ZNF648: variants seen among roughly 807,000 people sequenced by gnomAD.
ZNF648 encodes the protein zinc finger protein 648.
Under a neutral mutation model 0.3 loss-of-function variants are expected in ZNF648, and 1 was observed. The observed-to-expected ratio is 3.90, with a 90% CI of 1.39 to 18.51. ZNF648 has a LOEUF of 18.51. Ranked by LOEUF, ZNF648 falls within the 30% of genes most tolerant of loss-of-function variation. The pLI, the probability that ZNF648 is intolerant of heterozygous loss-of-function variation, is 0.11. For synonymous variants in ZNF648, 376 were observed against 326.8 expected (o/e 1.15, Z -1.62); for missense variants, 874 against 769.7 (o/e 1.14, Z -1.60).
At chr1:182,058,635 AG>A (rs1315758682) in intron 1 of ZNF648, among the ~76,000 whole-genome samples, 4 of 151,934 alleles carry the variant, frequency 2.6e-5, no homozygotes, top group Admixed American at 2.0e-4. Flanking sequence ...TGAGTCAGGA[AG>A]GCACCAGTTG....
chr1:182,063,901 A>G (rs1666065155), upstream of ZNF648: 1 of 152,204 alleles, frequency 6.6e-6, no homozygotes, highest in African/African-American at 2.4e-5. Context: ...GGAAGGGGCC[A>G]GTTTCAATTT....
upstream of ZNF648, chr1:182,064,494 A>G (rs1666071547): frequency 6.6e-6 from 1 of 152,196 alleles, no homozygotes. Flanking sequence ...ATGGTTTCAG[A>G]GGAAAGAGGC....
rs1328587019 is a variant in ZNF648 at position 182,057,053 on chromosome 1, A to T, written c.958T>A (p.Ser320Thr). ...SFCDKAYTWS[S>T]DHRKHIRTHT... ...GTGCGGATGTGCTTCCGGTGGTCGG[A>T]GGACCAGGTGTAGGCCTTGTCGCAG... Residue 320 changes from serine (S) to threonine (T), a missense_variant, in exon 2 of 2, where the codon TCC (serine) becomes ACC (threonine). Physicochemically the swap from Ser to Thr is moderately conservative, Grantham distance 58. Coordinates refer to ENST00000339948, the MANE Select transcript of ZNF648 (RefSeq NM_001009992.1). 6.2e-7 allele frequency: 1 copy of T among 1,612,882 alleles called. No individual in the cohort carries two copies. Among genetic ancestry groups the T allele is most frequent in the African/African-American group, 1.3e-5 (1 of 74,692 alleles).
Position 182,056,599 on chromosome 1 carries a change from G to T in ZNF648, c.1412C>A (p.Thr471Asn). Residue 471 changes from threonine to asparagine, a missense_variant, in exon 2 of 2, where the codon ACT becomes AAT. Transcript: ENST00000339948. The part of the protein sequence containing the change: ...SRLVRHQRIH[T>N]GERPFPCTQC... ...CGTGCAAGGAAAGGGCCTCTCGCCAGTGTGGATGCGCTGGTGGCGCACGAG... is the reference window on the plus strand; with the variant it reads ...CGTGCAAGGAAAGGGCCTCTCGCCATTGTGGATGCGCTGGTGGCGCACGAG... 6.2e-7 allele frequency: 1 copy of T among 1,613,688 alleles called. No homozygotes were observed.
rs767297788 is a variant in ZNF648, at chr1:182,057,516, G to A, written c.495C>T (p.Pro165=). ...ANQDAVLDVP[P]SFPSNGKYLC... is the part of the protein sequence containing the mutation. Reference sequence around the variant, plus strand: ...GATACTTTCCATTGCTGGGGAAGCTGGGTGGGACATCCAAGACTGCGTCCT... The same window carrying A: ...GATACTTTCCATTGCTGGGGAAGCTAGGTGGGACATCCAAGACTGCGTCCT... The change falls in exon 2 of 2, where the codon CCC becomes CCT. Residue 165 remains proline (P), a synonymous_variant. Coordinates refer to ENST00000339948, the MANE Select transcript of ZNF648 (RefSeq NM_001009992.1). The A allele has an allele frequency of 5.6e-6, 9 of 1,614,096 alleles. No individual in the cohort carries two copies. The South Asian group carries it at 9.9e-5, about 18-fold the overall frequency.
upstream of ZNF648, chr1:182,065,048 A>C (rs1288124769): frequency 1.3e-5 from 2 of 152,208 alleles, no homozygotes; most frequent in East Asian, 3.8e-4. Context: ...ATTAATCTTC[A>C]TCACATCCTA....
chr1:182,068,261 T>C, the ZNF648 span: 3 of 152,214 alleles, frequency 2.0e-5, no homozygotes, highest in African/African-American at 4.8e-5. Context: ...CCCCTCTGTT[T>C]TACTGGTGTT....
At position 182,057,759 on chromosome 1, in the gene ZNF648, G is replaced by A. The variant is rs1236249805; in HGVS notation, c.252C>T (p.Ser84=). Residue 84 remains serine, a synonymous_variant, in exon 2 of 2, where the codon TCC becomes TCT. Transcript: ENST00000339948. ...TCTGCCCCATGCCCCCAGCACTGGA[G>A]GAGTCAGAGAATTTCTCTTCCTCTT... The part of the protein sequence containing the change: ...LGKEEEKFSD[S]SSAGGMGQKP... The A allele has an allele frequency of 6.2e-7, 1 of 1,614,130 alleles. No homozygotes were observed. Among genetic ancestry groups the A allele is most frequent in the African/African-American group, 1.3e-5 (1 of 74,944 alleles).
In ZNF648 at chr1:182,057,709, G is replaced by C. The variant is rs1269742559; in HGVS notation, c.302C>G (p.Ala101Gly). Residue 101 changes from alanine (A) to glycine (G), a missense_variant, in exon 2 of 2, where the codon GCC (alanine) becomes GGC (glycine). Coordinates refer to ENST00000339948, the MANE Select transcript of ZNF648 (RefSeq NM_001009992.1). ...GQKPVEMSGK[A>G]SWSRDVTKIN... ...CTTTGTCACATCTCTGCTCCAACTG[G>C]CTTTCCCAGACATTTCCACTGGTTT... 6.2e-7 allele frequency: 1 copy of C among 1,614,096 alleles called. No homozygotes were observed. Among genetic ancestry groups the C allele is most frequent in the Non-Finnish European group, 8.5e-7 (1 of 1,180,062 alleles).
Position 182,056,853 on chromosome 1 carries a change from G to C in ZNF648, c.1158C>G (p.His386Gln). Reference protein sequence around the residue: ...PLSLLRHQRTHLGAKPFRCPA... With the variant: ...PLSLLRHQRTQLGAKPFRCPA... Reference sequence around the variant, plus strand: ...GGCAGCGGAAGGGCTTGGCGCCCAGGTGCGTGCGCTGGTGGCGCAGCAGCG... The same window carrying C: ...GGCAGCGGAAGGGCTTGGCGCCCAGCTGCGTGCGCTGGTGGCGCAGCAGCG... The change falls in exon 2 of 2, where the codon CAC becomes CAG. Residue 386 changes from histidine to glutamine, a missense_variant. Transcript: ENST00000339948. The C allele has an allele frequency of 6.4e-7, 1 of 1,561,962 alleles. No homozygotes were observed. The highest frequency in any genetic ancestry group is 8.7e-7 in the Non-Finnish European group (1 of 1,153,240).
upstream of ZNF648, among the ~76,000 whole-genome samples, chr1:182,066,366 C>A (rs1387421839): frequency 2.0e-5 from 3 of 152,178 alleles, no homozygotes; most frequent in African/African-American, 7.2e-5. Flanking sequence ...TGCTCTGCTG[C>A]CAGCTGTCAT....
the ZNF648 span, chr1:182,069,348 G>A: frequency 6.6e-6 from 1 of 152,260 alleles, no homozygotes; most frequent in African/African-American, 2.4e-5. Context: ...CACAGGAGAT[G>A]TGGAAGGGCA....
rs1475091082 is a variant in ZNF648, at chr1:182,057,764, C to G, written c.247G>C (p.Asp83His). Residue 83 changes from aspartate (D) to histidine (H), a missense_variant, in exon 2 of 2, where the codon GAC (aspartate) becomes CAC (histidine). Coordinates refer to ENST00000339948, the MANE Select transcript of ZNF648 (RefSeq NM_001009992.1). ...PLGKEEEKFS[D>H]SSSAGGMGQK... Reference sequence around the variant, plus strand: ...CCCATGCCCCCAGCACTGGAGGAGTCAGAGAATTTCTCTTCCTCTTTGCCC... The same window carrying G: ...CCCATGCCCCCAGCACTGGAGGAGTGAGAGAATTTCTCTTCCTCTTTGCCC... 6.2e-7 allele frequency: 1 copy of G among 1,614,220 alleles called. No homozygotes were observed. Among genetic ancestry groups the G allele is most frequent in the Non-Finnish European group, 8.5e-7 (1 of 1,180,042 alleles).
Position 182,058,086 on chromosome 1 carries a change from A to T in ZNF648, c.-63-13T>A. 6.7e-7 allele frequency: 1 copy of T among 1,495,954 alleles called. No homozygotes were observed. Among genetic ancestry groups the T allele is most frequent in the African/African-American group, 1.4e-5 (1 of 71,230 alleles). 92.7% of individuals were successfully genotyped at this position (1,495,954 alleles called of 1,614,324 possible). On this transcript the variant is annotated splice_polypyrimidine_tract_variant and intron_variant, in intron 1 of 1. Transcript: ENST00000339948. ...TGGCTCAGGATACCTGCAAAAAGAAAAGTACGAAGAGAAAATCACAAAGAA... is the reference window on the plus strand; with the variant it reads ...TGGCTCAGGATACCTGCAAAAAGAATAGTACGAAGAGAAAATCACAAAGAA...
Position 182,056,221 on chromosome 1 carries a change from G to A in ZNF648, c.*83C>T, listed in dbSNP as rs150801092. On this transcript the variant is annotated 3_prime_UTR_variant, in exon 2 of 2. Coordinates refer to ENST00000339948, the MANE Select transcript of ZNF648 (RefSeq NM_001009992.1). ...GATGACCCGCGACCTGCTGGGAGGCGAGGCTGACCAGTGAGGCTGGCAATA... is the reference window on the plus strand; with the variant it reads ...GATGACCCGCGACCTGCTGGGAGGCAAGGCTGACCAGTGAGGCTGGCAATA... 5.3e-6 allele frequency: 8 copies of A among 1,508,718 alleles called. No individual in the cohort carries two copies. Among genetic ancestry groups the A allele is most frequent in the South Asian group, 5.3e-5 (4 of 76,102 alleles). The allele number at this position is 1,508,718 out of a possible 1,614,324, so 93.5% of individuals were successfully genotyped here. A position where few individuals can be genotyped will look rare whatever the true frequency, so the allele number is the denominator to read the frequency against.
the ZNF648 span, among the ~76,000 whole-genome samples, chr1:182,067,002 C>T: frequency 4.6e-5 from 7 of 152,248 alleles, no homozygotes; most frequent in African/African-American, 9.6e-5. Context: ...AGGCCAATAA[C>T]GTTCCTAGAG....
In ZNF648 at chr1:182,056,964, G is replaced by C. The variant is rs746557141; in HGVS notation, c.1047C>G (p.Asp349Glu). The C allele has an allele frequency of 1.9e-6, 3 of 1,613,704 alleles. No homozygotes were observed. Among genetic ancestry groups the C allele is most frequent in the Non-Finnish European group, 2.5e-6 (3 of 1,179,910 alleles). The change falls in exon 2 of 2, where the codon GAC becomes GAG. Residue 349 changes from aspartate to glutamate, a missense_variant. By Grantham distance (45) the Asp-to-Glu change is conservative (BLOSUM62 2). Coordinates refer to ENST00000339948, the MANE Select transcript of ZNF648 (RefSeq NM_001009992.1). ...DCGKAFVRSSDLRKHQRNMHS... is the reference protein window; with the variant it reads ...DCGKAFVRSSELRKHQRNMHS... ...GCATGTTGCGCTGGTGTTTGCGCAG[G>C]TCCGAAGAGCGCACGAAGGCCTTCC...
rs754351196 is a variant in ZNF648, at chr1:182,057,074, C to A, written c.937G>T (p.Asp313Tyr). 3.7e-6 allele frequency: 6 copies of A among 1,612,762 alleles called. No homozygotes were observed. The East Asian group carries it at 1.1e-4, about 30-fold the overall frequency. ...TCGGAGGACCAGGTGTAGGCCTTGT[C>A]GCAGAAGGAGCACTGGTAGGGCCGC... ...GERPYQCSFCDKAYTWSSDHR... is the reference protein window; with the variant it reads ...GERPYQCSFCYKAYTWSSDHR... Residue 313 changes from aspartate to tyrosine, a missense_variant, in exon 2 of 2, where the codon GAC becomes TAC. Physicochemically the swap from Asp to Tyr is radical, Grantham distance 160. Coordinates refer to ENST00000339948, the MANE Select transcript of ZNF648 (RefSeq NM_001009992.1).
At chr1:182,060,836 C>T (rs532802659) in intron 1 of ZNF648, among the ~76,000 whole-genome samples, 3 of 152,120 alleles carry the variant, frequency 2.0e-5, no homozygotes, top group Non-Finnish European at 4.4e-5. Flanking sequence ...GGTCTCTTTC[C>T]CTCTTTACGA....
Sources: allele counts gnomAD v4.1 joint callset (sites outside exome capture counted in the v4.1 genomes callset), GRCh38; gene constraint gnomAD v4.1.1; transcripts MANE v1.5; gene names NCBI Gene and HGNC (gene_info 2026-07-23, HGNC 2026-07-21).